The following KIF1A variants were observed in gnomAD, a reference collection of about 807,000 sequenced individuals.
KIF1A encodes the protein kinesin family member 1A.
A neutral mutation model predicts 227.3 loss-of-function variants in KIF1A; 46 were observed. The ratio of observed to expected loss-of-function variants is 0.20; its 90% CI spans 0.16 to 0.26. The LOEUF (loss-of-function observed/expected upper bound fraction) is 0.26. KIF1A is among the 10% of genes least tolerant of loss of function. KIF1A has a pLI of 1.00. For synonymous variants in KIF1A, 1,022 were observed against 1,012.8 expected (o/e 1.01, Z -0.17); for missense variants, 1,683 against 2,485.9 (o/e 0.68, Z 6.87).
intron 1 of KIF1A, among the ~76,000 whole-genome samples, chr2:240,819,908 G>A (rs954346105): frequency 1.3e-5 from 2 of 152,188 alleles, no homozygotes; most frequent in Non-Finnish European, 2.9e-5. Context: ...GGACACCCCT[G>A]AATTTCCCCC....
chr2:240,740,316 C>A lies in KIF1A; in HGVS notation c.3798G>T (p.Gly1266=). Reference sequence around the variant, plus strand: ...CTCACACCTGGTGGAGGAGGAAGGTCCCCATGCATGGCATGCCCCCACGGT... The same window carrying A: ...CTCACACCTGGTGGAGGAGGAAGGTACCCATGCATGGCATGCCCCCACGGT... ...VDHRGGMPCM[G]TFLLHQGIQR... Residue 1266 remains glycine (G), a synonymous_variant, in exon 36 of 49, where the codon GGG becomes GGT. Transcript: ENST00000498729. This position sits in a 1 kb window ranked among gnomAD's most constrained non-coding sequence, Gnocchi z 6.1. 1 of 1,613,526 alleles carries A rather than the reference C, an allele frequency of 6.2e-7. No individual in the cohort carries two copies. The highest frequency in any genetic ancestry group is 2.2e-5 in the East Asian group (1 of 44,868).
At position 240,715,734 on chromosome 2, in the gene KIF1A, T is replaced by C. The variant is rs1456761693; in HGVS notation, c.*1630A>G. On this transcript the variant is annotated 3_prime_UTR_variant, in exon 49 of 49. Coordinates refer to ENST00000498729, the MANE Select transcript of KIF1A (RefSeq NM_001244008.2). Reference sequence around the variant, plus strand: ...ATGGGATTGGGGTCTCTGAGGCTCATGTCAGCATCACGTGGGACAGCCTGG... The same window carrying C: ...ATGGGATTGGGGTCTCTGAGGCTCACGTCAGCATCACGTGGGACAGCCTGG... 6.6e-6 allele frequency: 1 copy of C among 152,314 alleles called. No individual in the cohort carries two copies. The highest frequency in any genetic ancestry group is 1.5e-5 in the Non-Finnish European group (1 of 68,072). The allele number at this position is 152,314 out of a possible 1,614,324, so 9.4% of individuals were successfully genotyped here. A position where few individuals can be genotyped will look rare whatever the true frequency, so the allele number is the denominator to read the frequency against.
Position 240,763,055 on chromosome 2 carries a change from C to A in KIF1A, c.1986G>T (p.Arg662=). 6.5e-7 allele frequency: 1 copy of A among 1,543,052 alleles called. No individual in the cohort carries two copies. Among genetic ancestry groups the A allele is most frequent in the East Asian group, 2.3e-5 (1 of 43,622 alleles). ...QELEDQYRRE[R]EEATYLLEQQ... ...GCTCCAGCAGGTAGGTGGCCTCCTCCCGCTCGCGGCGGTACTGGTCCTCCA... is the reference window on the plus strand; with the variant it reads ...GCTCCAGCAGGTAGGTGGCCTCCTCACGCTCGCGGCGGTACTGGTCCTCCA... Residue 662 remains arginine, a synonymous_variant, in exon 22 of 49, where the codon CGG becomes CGT. Coordinates refer to ENST00000498729, the MANE Select transcript of KIF1A (RefSeq NM_001244008.2).
chr2:240,756,502 C>T (rs2049863674), intron 27 of KIF1A, among the ~76,000 whole-genome samples: 1 of 152,230 alleles, frequency 6.6e-6, no homozygotes, highest in African/African-American at 2.4e-5. Flanking sequence ...GTCTCCCAAC[C>T]GTGGCTTCTC....
intron 17 of KIF1A, among the ~76,000 whole-genome samples, chr2:240,767,826 G>A (rs1192720917): frequency 1.3e-5 from 2 of 152,264 alleles, no homozygotes; most frequent in Non-Finnish European, 2.9e-5. Flanking sequence ...ACCAGTGGGA[G>A]CCAAGAGCCA....
chr2:240,733,704 A>G (rs189031705), intron 38 of KIF1A, among the ~76,000 whole-genome samples: 1 of 152,288 alleles, frequency 6.6e-6, no homozygotes, highest in Non-Finnish European at 1.5e-5. Flanking sequence ...GCCAAGCCCC[A>G]CTGCCCTGGG....
Position 240,722,551 on chromosome 2 carries a change from G to A in KIF1A, c.4570C>T (p.His1524Tyr). 5 of 1,551,458 alleles carry A rather than the reference G, an allele frequency of 3.2e-6. No homozygotes were observed. Among genetic ancestry groups the A allele is most frequent in the African/African-American group, 1.4e-5 (1 of 73,316 alleles). ...SPAFSEDSES[H>Y]GSSSASSPLS... ...GGGGAGGAGGCGCTGGAGGAGCCAT[G>A]GGACTCAGAGTCCTCGCTGAAGGCC... Residue 1524 changes from histidine to tyrosine, a missense_variant, in exon 43 of 49, where the codon CAT becomes TAT. By Grantham distance (83) the His-to-Tyr change is moderately conservative. Coordinates refer to ENST00000498729, the MANE Select transcript of KIF1A (RefSeq NM_001244008.2).
Position 240,758,566 on chromosome 2 carries a change from T to A in KIF1A, c.2445-69A>T, listed in dbSNP as rs1461437906. On this transcript the variant is annotated intron_variant, in intron 25 of 48. Transcript: ENST00000498729. The surrounding 1 kb of genome is among the most constrained non-coding windows in gnomAD (Gnocchi z 5.2). ...CAGCAGCTGGCACCGCACACCCTTA[T>A]CTCCTGGGGACAGTGGGCTCAGCCT... 12 of 1,434,318 alleles carry A rather than the reference T, an allele frequency of 8.4e-6. No homozygotes were observed. In the Admixed American group the frequency reaches 2.8e-4, roughly 34 times the overall value. 88.8% of individuals were successfully genotyped at this position (1,434,318 alleles called of 1,614,324 possible).
chr2:240,785,346 C>T (rs1049665206), intron 6 of KIF1A, among the ~76,000 whole-genome samples: 10 of 152,232 alleles, frequency 6.6e-5, no homozygotes, highest in African/African-American at 1.2e-4. Flanking sequence ...GCAGTGACTG[C>T]GAAAGCTTCC....
chr2:240,780,798 C>CCACACACACACACAGCTCCA (rs2053596313), intron 10 of KIF1A, among the ~76,000 whole-genome samples: 1 of 34,914 alleles, frequency 2.9e-5, no homozygotes, highest in Non-Finnish European at 4.8e-5. Context: ...ACACACAGCT[C>CCACACACACACACAGCTCCA]CACACACACA....
At chr2:240,800,494 C>G (rs1281836999) in intron 1 of KIF1A, among the ~76,000 whole-genome samples, 1 of 152,174 alleles carries the variant, frequency 6.6e-6, no homozygotes, top group Non-Finnish European at 1.5e-5. Context: ...CGCAGCACAG[C>G]CTCCGGGGTG....
intron 17 of KIF1A, among the ~76,000 whole-genome samples, chr2:240,767,576 C>G (rs1559511460): frequency 6.6e-6 from 1 of 152,248 alleles, no homozygotes; most frequent in African/African-American, 2.4e-5. Flanking sequence ...CCCGACCACC[C>G]GCATACACCC....
chr2:240,723,329 C>A, intron 42 of KIF1A, 84 bp downstream of exon 42: 1 of 1,360,552 alleles, frequency 7.3e-7, no homozygotes, highest in Non-Finnish European at 9.9e-7. Context: ...AGGCACCAGG[C>A]CCTGGGCCCT....
intron 1 of KIF1A, among the ~76,000 whole-genome samples, chr2:240,812,101 C>A (rs953034971): frequency 6.6e-6 from 1 of 152,172 alleles, no homozygotes; most frequent in Non-Finnish European, 1.5e-5. Context: ...ACCCACTGGG[C>A]GCACCGGGCC....
At chr2:240,784,851 A>G in intron 7 of KIF1A, 138 bp downstream of exon 7, 1 of 689,974 alleles carries the variant, frequency 1.4e-6, no homozygotes, top group Non-Finnish European at 2.5e-6. Context: ...TGCCAGTGTA[A>G]GTGTGAGGAC....
rs879343567 is a variant in KIF1A, at chr2:240,778,571, C to G, written c.883-2645G>C. 3.7e-4 allele frequency among the ~76,000 whole-genome samples: 53 copies of G among 142,048 alleles called. No individual in the cohort carries two copies. Among genetic ancestry groups the G allele is most frequent in the Admixed American group, 7.7e-4 (11 of 14,376 alleles). The allele number at this position is 142,048 out of a possible 152,430, so 93.2% of individuals were successfully genotyped here. A position where few individuals can be genotyped will look rare whatever the true frequency, so the allele number is the denominator to read the frequency against. On this transcript the variant is annotated intron_variant, in intron 10 of 48. Coordinates refer to ENST00000498729, the MANE Select transcript of KIF1A (RefSeq NM_001244008.2). The surrounding 1 kb of genome is among the most constrained non-coding windows in gnomAD (Gnocchi z 7.2). Reference sequence around the variant, plus strand: ...GCTTCTCAGTGTCCCACGGGCCTCACAGCAGCCACGCAGCTCCCGAAAACC... The same window carrying G: ...GCTTCTCAGTGTCCCACGGGCCTCAGAGCAGCCACGCAGCTCCCGAAAACC...
chr2:240,720,728 G>A (rs994709984), intron 45 of KIF1A, 186 bp downstream of exon 45: 3 of 582,946 alleles, frequency 5.1e-6, no homozygotes, highest in African/African-American at 3.8e-5. Flanking sequence ...GAGCTGGCGG[G>A]GCACAGGCAC....
chr2:240,751,998 GAGACCTC>G (rs1264791026), intron 27 of KIF1A, among the ~76,000 whole-genome samples: 2 of 152,184 alleles, frequency 1.3e-5, no homozygotes, highest in East Asian at 1.9e-4. Flanking sequence ...CTGCTAAGCT[GAGACCTC>G]ACCAACGCCC....
intron 15 of KIF1A, among the ~76,000 whole-genome samples, chr2:240,770,522 C>A (rs1167220102): frequency 6.6e-6 from 1 of 152,100 alleles, no homozygotes; most frequent in South Asian, 2.1e-4. Context: ...TGGGGAGGGA[C>A]GAGACTCCTC....
Sources: allele counts gnomAD v4.1 joint callset (sites outside exome capture counted in the v4.1 genomes callset), GRCh38; gene constraint gnomAD v4.1.1; non-coding constraint Gnocchi (gnomAD v3.1); transcripts MANE v1.5; gene names NCBI Gene and HGNC (gene_info 2026-07-23, HGNC 2026-07-21).